TTC7A: variants seen among roughly 807,000 people sequenced by gnomAD.
TTC7A encodes the protein tetratricopeptide repeat domain 7A, also known as tetratricopeptide repeat protein 7A.
TTC7A carries 110 observed loss-of-function variants against 103.7 expected under a neutral mutation model. That is an observed-to-expected ratio of 1.06 (90% CI 0.91 to 1.24). The LOEUF (loss-of-function observed/expected upper bound fraction) is 1.24, where lower values mean the gene tolerates loss of function less well. Among genes scored for constraint, TTC7A ranks in the 50% most tolerant of loss-of-function variants. The pLI is 0.00. For synonymous variants in TTC7A, 521 were observed against 467.9 expected (o/e 1.11, Z -1.47); for missense variants, 1,340 against 1,116.3 (o/e 1.20, Z -2.86).
At chr2:47,070,780 T>C (rs1253773116) in intron 19 of TTC7A, among the ~76,000 whole-genome samples, 12 of 152,296 alleles carry the variant, frequency 7.9e-5, no homozygotes, top group East Asian at 1.9e-4. Context: ...CCTGGAATCA[T>C]GTCTGTGGCT....
intron 15 of TTC7A, among the ~76,000 whole-genome samples, chr2:47,043,501 T>C (rs1274656372): frequency 6.6e-6 from 1 of 151,942 alleles, no homozygotes; most frequent in Non-Finnish European, 1.5e-5. Context: ...ATGTGATCAG[T>C]GTACCAGCGC....
chr2:47,061,164 T>C (rs1683751811), intron 19 of TTC7A, among the ~76,000 whole-genome samples, 193 bp downstream of exon 19: 1 of 152,228 alleles, frequency 6.6e-6, no homozygotes, highest in East Asian at 1.9e-4. Flanking sequence ...TAGCCTTCTC[T>C]TGTAGACACA....
chr2:47,045,288 C>A (rs1210688692), intron 15 of TTC7A, among the ~76,000 whole-genome samples: 1 of 152,202 alleles, frequency 6.6e-6, no homozygotes, highest in Admixed American at 6.5e-5. Context: ...CCCAGACCTC[C>A]CCAGCATCTG....
At position 47,069,356 on chromosome 2, in the gene TTC7A, GTTC is replaced by G. The variant is rs1457869257; in HGVS notation, c.2356-4341_2356-4339del. Reference sequence around the variant, plus strand: ...GCCCCAGCTGAAGAGGCCTACTGGTGTTCTTCTACATCTCACTTGTAAAGGACC... The same window carrying G: ...GCCCCAGCTGAAGAGGCCTACTGGTGTTCTACATCTCACTTGTAAAGGACC... On this transcript the variant is annotated intron_variant, in intron 19 of 19. Coordinates refer to ENST00000319190, the MANE Select transcript of TTC7A (RefSeq NM_020458.4). 6.6e-5 allele frequency among the ~76,000 whole-genome samples: 10 copies of G among 152,176 alleles called. 1 individual carries two copies. The South Asian group carries it at 1.9e-3, about 28-fold the overall frequency.
chr2:47,053,248 A>G (rs60942570), intron 18 of TTC7A, among the ~76,000 whole-genome samples: 3,938 of 152,266 alleles, frequency 0.026, 182 homozygotes, highest in African/African-American at 0.09. Flanking sequence ...TGAAAAATCC[A>G]GAGGAATAAT....
intron 3 of TTC7A, among the ~76,000 whole-genome samples, chr2:46,972,914 T>C (rs1031989380): frequency 2.0e-5 from 3 of 152,172 alleles, no homozygotes; most frequent in African/African-American, 7.2e-5. Context: ...GTGTAGAAAG[T>C]GGTGAGCACC....
intron 1 of TTC7A, among the ~76,000 whole-genome samples, chr2:46,947,621 G>A (rs1164145181): frequency 2.0e-5 from 3 of 152,170 alleles, no homozygotes; most frequent in Admixed American, 2.0e-4. Context: ...GTAGGCTGAG[G>A]CAGGAGAATC....
intron 8 of TTC7A, among the ~76,000 whole-genome samples, chr2:46,998,255 A>G (rs920503932): frequency 1.3e-5 from 2 of 152,132 alleles, no homozygotes; most frequent in African/African-American, 4.8e-5. Flanking sequence ...GGGGGAGAGT[A>G]TTGGCAATGA....
At chr2:46,958,648 C>T (rs1041403164) in intron 3 of TTC7A, 6 of 836,228 alleles carry the variant, frequency 7.2e-6, no homozygotes, top group Non-Finnish European at 1.7e-6. Flanking sequence ...CTTTGCCTGC[C>T]TCCTCTCTGC....
At chr2:47,066,740 G>A (rs1431633405) in intron 19 of TTC7A, among the ~76,000 whole-genome samples, 1 of 152,134 alleles carries the variant, frequency 6.6e-6, no homozygotes, top group African/African-American at 2.4e-5. Flanking sequence ...ATTTTTTGTA[G>A]AGACAAGGTC....
intron 17 of TTC7A, 110 bp downstream of exon 17, chr2:47,050,156 C>G: frequency 1.1e-6 from 1 of 918,280 alleles, no homozygotes; most frequent in Non-Finnish European, 1.7e-6. Flanking sequence ...CGGGCCAAGC[C>G]CACCACTGGC....
At chr2:47,024,381 C>T (rs202124959) in intron 14 of TTC7A, 22 bp downstream of exon 14, 3 of 1,593,078 alleles carry the variant, frequency 1.9e-6, no homozygotes, top group African/African-American at 1.4e-5. Context: ...GTGTTCCTAA[C>T]CCCCGGGTCC....
At chr2:47,036,219 A>G (rs2104634872) in intron 15 of TTC7A, among the ~76,000 whole-genome samples, 1 of 152,344 alleles carries the variant, frequency 6.6e-6, no homozygotes, top group African/African-American at 2.4e-5. Flanking sequence ...GGGTAGGGGC[A>G]GGCTGCTCTC....
intron 2 of TTC7A, among the ~76,000 whole-genome samples, chr2:46,929,346 C>A (rs1297258172): frequency 9.9e-5 from 15 of 151,972 alleles, no homozygotes. Flanking sequence ...AACTACCTGG[C>A]TGTGGTGGTA....
chr2:46,958,390 A>T, intron 3 of TTC7A: 1 of 843,400 alleles, frequency 1.2e-6, no homozygotes, highest in Non-Finnish European at 1.8e-6. Context: ...TCAGCCATGG[A>T]CGCCCTGAGC....
intron 19 of TTC7A, among the ~76,000 whole-genome samples, chr2:47,062,412 T>C (rs1431324477): frequency 6.6e-6 from 1 of 152,256 alleles, no homozygotes; most frequent in Middle Eastern, 3.2e-3. Context: ...TTGTCCATGT[T>C]CCTTCCCACA....
chr2:47,026,055 G>A (rs532133888), intron 14 of TTC7A, among the ~76,000 whole-genome samples: 1 of 152,340 alleles, frequency 6.6e-6, no homozygotes, highest in African/African-American at 2.4e-5. Flanking sequence ...GGCGGGCCAG[G>A]CCAGCGGAGC....
chr2:47,075,060 T>G lies in TTC7A; in HGVS notation c.*1137T>G, dbSNP rs1685109947. 6.6e-6 allele frequency: 1 copy of G among 152,278 alleles called. No individual in the cohort carries two copies. Among genetic ancestry groups the G allele is most frequent in the Non-Finnish European group, 1.5e-5 (1 of 68,066 alleles). The allele number at this position is 152,278 out of a possible 1,614,324, so 9.4% of individuals were successfully genotyped here. A position where few individuals can be genotyped will look rare whatever the true frequency, so the allele number is the denominator to read the frequency against. ...GGTACAGCTTGCATTTCAGGATGTGTGGAAAGCTCGGGTGAGGGCTGCCCT... is the reference window on the plus strand; with the variant it reads ...GGTACAGCTTGCATTTCAGGATGTGGGGAAAGCTCGGGTGAGGGCTGCCCT... On this transcript the variant is annotated 3_prime_UTR_variant, in exon 20 of 20. Transcript: ENST00000319190.
intron 18 of TTC7A, among the ~76,000 whole-genome samples, chr2:47,054,430 G>C (rs1187852204): frequency 6.6e-6 from 1 of 152,108 alleles, no homozygotes; most frequent in South Asian, 2.1e-4. Context: ...TCCTGGAATT[G>C]GCACACATCA....
Sources: gnomAD v4.1 joint callset for allele counts (sites outside exome capture counted in the v4.1 genomes callset) on GRCh38, gnomAD v4.1.1 for gene constraint, MANE v1.5 for transcripts, NCBI Gene and HGNC (gene_info 2026-07-23, HGNC 2026-07-21) for gene names.